NFRKB: variants seen among roughly 807,000 people sequenced by gnomAD.
NFRKB encodes nuclear factor related to kappa-B-binding protein.
Under a neutral mutation model 135.7 loss-of-function variants are expected in NFRKB, and 62 were observed. That is an observed-to-expected ratio of 0.46 (90% CI 0.37 to 0.56). The LOEUF (loss-of-function observed/expected upper bound fraction) is 0.56, where lower values mean the gene tolerates loss of function less well. Among genes scored for constraint, NFRKB ranks in the 20% least tolerant of loss-of-function variants. The probability of loss-of-function intolerance (pLI) is 0.00; values close to 1 mark genes in which losing one functional copy is unlikely to be tolerated. For synonymous variants in NFRKB, 678 were observed against 635.6 expected (o/e 1.07, Z -1.00); for missense variants, 1,545 against 1,662.0 (o/e 0.93, Z 1.22).
At chr11:129,884,488 T>G (rs1949177061) in intron 7 of NFRKB, among the ~76,000 whole-genome samples, 1 of 152,232 alleles carries the variant, frequency 6.6e-6, no homozygotes, top group Non-Finnish European at 1.5e-5. Flanking sequence ...TACTACTGTT[T>G]CAAGATTTTG....
intron 24 of NFRKB, among the ~76,000 whole-genome samples, chr11:129,868,358 A>G (rs1012933624): frequency 6.6e-6 from 1 of 152,214 alleles, no homozygotes; most frequent in African/African-American, 2.4e-5. Context: ...AACTTCACTC[A>G]TATCAGGGAA....
At chr11:129,892,437 T>G (rs1949601495) in intron 3 of NFRKB, among the ~76,000 whole-genome samples, 1 of 152,340 alleles carries the variant, frequency 6.6e-6, no homozygotes, top group Non-Finnish European at 1.5e-5. Flanking sequence ...CCATTTTTAA[T>G]GGATGAAAAT....
chr11:129,883,839 G>A (rs898686447), intron 8 of NFRKB, among the ~76,000 whole-genome samples: 4 of 152,162 alleles, frequency 2.6e-5, no homozygotes, highest in African/African-American at 4.8e-5. Context: ...TCCTATACTC[G>A]ACAGTGTCAC....
At position 129,870,188 on chromosome 11, in the gene NFRKB, C is replaced by T. The variant is rs773864194; in HGVS notation, c.2837G>A (p.Arg946His). 19 of 1,614,054 alleles carry T rather than the reference C, an allele frequency of 1.2e-5. No homozygotes were observed. Among genetic ancestry groups the T allele is most frequent in the East Asian group, 1.1e-4 (5 of 44,880 alleles). Reference sequence around the variant, plus strand: ...ACGCAATACATCCTTACCCTGGATGCGGAAGTTAGTGGCTGTGAGTGGAAT... The same window carrying T: ...ACGCAATACATCCTTACCCTGGATGTGGAAGTTAGTGGCTGTGAGTGGAAT... ...NSIPLTATNF[R>H]IQGKDVLRLP... Residue 946 changes from arginine (R) to histidine (H), a missense_variant, in exon 24 of 27, where the codon CGC becomes CAC. Coordinates refer to ENST00000682444, the MANE Select transcript of NFRKB (RefSeq NM_001143835.2).
At chr11:129,887,580 C>G (rs933214017) in intron 4 of NFRKB, among the ~76,000 whole-genome samples, 1 of 152,162 alleles carries the variant, frequency 6.6e-6, no homozygotes, top group Non-Finnish European at 1.5e-5. Context: ...ATTCAAGTGT[C>G]CTGGCTCTTC....
intron 4 of NFRKB, among the ~76,000 whole-genome samples, chr11:129,887,475 A>G (rs187298035): frequency 3.0e-4 from 45 of 152,354 alleles, no homozygotes; most frequent in African/African-American, 1.0e-3. Flanking sequence ...GGGAAAGACC[A>G]CATTTCCTAT....
chr11:129,866,099 G>C (rs1948178761), intron 24 of NFRKB, 116 bp from the exon 25 acceptor site: 5 of 809,490 alleles, frequency 6.2e-6, no homozygotes, highest in Non-Finnish European at 9.4e-6. Context: ...TCAGTCCCCA[G>C]TACCCACCAG....
chr11:129,864,973 G>T lies in NFRKB; in HGVS notation c.3767C>A (p.Ala1256Asp). ...QLQQLQQQGQ[A>D]TQVRIQTVPA... ...ATTTGCCCTGGGCCTTACCTGTGTG[G>T]CCTGACCTTGCTGCTGAAGCTGCTG... The change falls in exon 26 of 27, where the codon GCC becomes GAC. Residue 1256 changes from alanine (A) to aspartate (D), a missense_variant. Around this residue, in one of 3 missense-constraint regions of NFRKB, gnomAD observed 753 missense variants for 804.3 expected, o/e 0.94. Coordinates refer to ENST00000682444, the MANE Select transcript of NFRKB (RefSeq NM_001143835.2). The T allele has an allele frequency of 6.2e-7, 1 of 1,613,448 alleles. No individual in the cohort carries two copies. The highest frequency in any genetic ancestry group is 1.1e-5 in the South Asian group (1 of 91,052).
chr11:129,870,128 C>G lies in NFRKB; in HGVS notation c.2897G>C (p.Gly966Ala). 2 of 1,614,244 alleles carry G rather than the reference C, an allele frequency of 1.2e-6. No individual in the cohort carries two copies. The highest frequency in any genetic ancestry group is 1.7e-6 in the Non-Finnish European group (2 of 1,180,050). Residue 966 changes from glycine to alanine, a missense_variant, in exon 24 of 27, where the codon GGC becomes GCC. This residue lies in a region of NFRKB where 753 missense variants were observed against 804.3 expected (regional missense o/e 0.94). Coordinates refer to ENST00000682444, the MANE Select transcript of NFRKB (RefSeq NM_001143835.2). ...CGGAGTGATTCGCAGAACCGTCTGG[C>G]CCTTGGCATCTGTGGTGATGGAAGA... ...PPSSITTDAK[G>A]QTVLRITPDM...
At chr11:129,888,519 G>C (rs1379580415) in intron 4 of NFRKB, 75 bp downstream of exon 4, 2 of 1,370,736 alleles carry the variant, frequency 1.5e-6, no homozygotes, top group Non-Finnish European at 2.1e-6. Context: ...AGAAAAGGAA[G>C]AAAGGAATAC....
At chr11:129,870,371 A>T (rs1038658567) in intron 23 of NFRKB, 110 bp from the exon 24 acceptor site, 1 of 1,267,690 alleles carries the variant, frequency 7.9e-7, no homozygotes, top group Non-Finnish European at 1.1e-6. Context: ...TTTTTTTTTT[A>T]ACTTTTTATT....
In NFRKB at chr11:129,870,271, G is replaced by C; in HGVS notation, c.2764-10C>G. ...GCCCAGTGATTGCCACCTGAATGGG[G>C]AGAAGCAGCACTGATGAGGGATTCA... On this transcript the variant is annotated splice_polypyrimidine_tract_variant and intron_variant, in intron 23 of 26. Coordinates refer to ENST00000682444, the MANE Select transcript of NFRKB (RefSeq NM_001143835.2). The C allele has an allele frequency of 6.2e-7, 1 of 1,610,090 alleles. No homozygotes were observed. Among genetic ancestry groups the C allele is most frequent in the African/African-American group, 1.3e-5 (1 of 75,014 alleles).
chr11:129,893,496 G>A, intron 2 of NFRKB: 1 of 219,234 alleles, frequency 4.6e-6, no homozygotes, highest in Non-Finnish European at 9.6e-6. Context: ...AGATGCAGAG[G>A]GTACAATAAG....
intron 3 of NFRKB, among the ~76,000 whole-genome samples, chr11:129,891,067 G>A (rs1225664113): frequency 6.6e-6 from 1 of 152,190 alleles, no homozygotes; most frequent in Non-Finnish European, 1.5e-5. Flanking sequence ...CAGGCATTAA[G>A]CATTTCCAGT....
At chr11:129,892,453 T>C (rs1949602187) in intron 3 of NFRKB, among the ~76,000 whole-genome samples, 2 of 152,220 alleles carry the variant, frequency 1.3e-5, no homozygotes, top group African/African-American at 2.4e-5. Flanking sequence ...AAAATTATCT[T>C]GTTAAAAATA....
intron 15 of NFRKB, 119 bp from the exon 16 acceptor site, chr11:129,877,504 A>G (rs943041537): frequency 7.4e-6 from 7 of 944,330 alleles, no homozygotes; most frequent in Non-Finnish European, 1.0e-5. Context: ...GAAGCACTCA[A>G]TTCTTACAAA....
At chr11:129,877,261 G>T in intron 16 of NFRKB, 64 bp downstream of exon 16, 1 of 1,480,332 alleles carries the variant, frequency 6.8e-7, no homozygotes, top group Non-Finnish European at 9.5e-7. Context: ...GGAGAGTCAG[G>T]CTCAGAGCAT....
chr11:129,883,319 T>C lies in NFRKB; in HGVS notation c.817-113A>G, dbSNP rs191857101. Reference sequence around the variant, plus strand: ...GTTAGGTACACTTGGGGAAATCACATTGAGTCAAAAATATAGAGAGATAAA... The same window carrying C: ...GTTAGGTACACTTGGGGAAATCACACTGAGTCAAAAATATAGAGAGATAAA... On this transcript the variant is annotated intron_variant, in intron 8 of 26. Coordinates refer to ENST00000682444, the MANE Select transcript of NFRKB (RefSeq NM_001143835.2). The C allele has an allele frequency of 2.8e-4, 210 of 747,206 alleles. No individual in the cohort carries two copies. The Middle Eastern group carries it at 3.6e-3, about 13-fold the overall frequency. The allele number at this position is 747,206 out of a possible 1,614,324, so 46.3% of individuals were successfully genotyped here. A position where few individuals can be genotyped will look rare whatever the true frequency, so the allele number is the denominator to read the frequency against.
chr11:129,883,132 G>C lies in NFRKB; in HGVS notation c.891C>G (p.Gly297=), dbSNP rs777850077. Residue 297 remains glycine, a synonymous_variant, in exon 9 of 27, where the codon GGC becomes GGG. Transcript: ENST00000682444. ...IMTRVNAGRK[G]SLAALYDLAV... is the part of the protein sequence containing the mutation. ...GGCCCAGTCATTTACCTGCCAGAGA[G>C]CCCTTCCTGCCAGCATTTACTCGAG... 176 of 1,613,918 alleles carry C rather than the reference G, an allele frequency of 1.1e-4. 1 individual carries two copies. The South Asian group carries it at 1.9e-3, about 17-fold the overall frequency.
Sources: allele counts gnomAD v4.1 joint callset (sites outside exome capture counted in the v4.1 genomes callset), GRCh38; gene constraint gnomAD v4.1.1; regional missense constraint gnomAD v4.1.1; transcripts MANE v1.5; gene names NCBI Gene and HGNC (gene_info 2026-07-23, HGNC 2026-07-21).